SHPK: variants seen among roughly 807,000 people sequenced by gnomAD.
SHPK encodes the protein carbohydrate kinase-like protein.
A neutral mutation model predicts 46.3 loss-of-function variants in SHPK; 51 were observed. The observed-to-expected ratio is 1.10, with a 90% confidence interval of 0.88 to 1.39. The LOEUF (loss-of-function observed/expected upper bound fraction) is 1.39, where lower values mean the gene tolerates loss of function less well. Among genes scored for constraint, SHPK ranks in the 40% most tolerant of loss-of-function variants. The pLI is 0.00. For missense variants in SHPK, 668 were observed against 641.3 expected, an observed-to-expected ratio of 1.04 and a Z score of -0.45; for synonymous variants, 290 against 273.9, an observed-to-expected ratio of 1.06 and a Z score of -0.58.
chr17:3,635,539 A>T (rs2075514565), intron 1 of SHPK, among the ~76,000 whole-genome samples: 1 of 152,138 alleles, frequency 6.6e-6, no homozygotes, highest in African/African-American at 2.4e-5. Flanking sequence ...CCGGCTGACC[A>T]AAGGTTTCTT....
chr17:3,634,571 CAAAAA>C (rs11311796), intron 1 of SHPK, among the ~76,000 whole-genome samples: 4 of 89,766 alleles, frequency 4.5e-5, no homozygotes, highest in Admixed American at 1.2e-4. Context: ...GACCCTGTCT[CAAAAA>C]AAAAAAAAAA....
At position 3,610,760 on chromosome 17, in the gene SHPK, T is replaced by C. The variant is rs35091524; in HGVS notation, c.1237A>G (p.Met413Val). 8,759 of 1,614,056 alleles carry C rather than the reference T, an allele frequency of 5.4e-3. 40 individuals carry two copies. Among genetic ancestry groups the C allele is most frequent in the Non-Finnish European group, 6.6e-3 (7,756 of 1,179,964 alleles). ...CRGIVQNLHS[M>V]LPIQQLQEWG... Reference sequence around the variant, plus strand: ...TCCTGGAGCTGCTGAATCGGAAGCATGGAGTGCAGGTTCTGAACAATGCCT... The same window carrying C: ...TCCTGGAGCTGCTGAATCGGAAGCACGGAGTGCAGGTTCTGAACAATGCCT... Residue 413 changes from methionine (M) to valine (V), a missense_variant, in exon 7 of 7, where the codon ATG becomes GTG. Transcript: ENST00000225519.
At chr17:3,614,699 T>C (rs549294744) in intron 6 of SHPK, among the ~76,000 whole-genome samples, 1 of 150,130 alleles carries the variant, frequency 6.7e-6, no homozygotes, top group South Asian at 2.1e-4. Context: ...AAGACAAAAA[T>C]TTGCCAGGCG....
chr17:3,615,229 A>C, intron 6 of SHPK, 108 bp downstream of exon 6: 1 of 1,047,880 alleles, frequency 9.5e-7, no homozygotes, highest in Non-Finnish European at 1.4e-6. Context: ...AGGGTCTGAG[A>C]CCTCAATGTG....
chr17:3,621,615 CCCTCCCTT>C (rs1288985517), intron 4 of SHPK, among the ~76,000 whole-genome samples: 17 of 61,292 alleles, frequency 2.8e-4, no homozygotes, highest in African/African-American at 7.2e-4. Context: ...CTCCCTCCCT[CCCTCCCTT>C]CCTTCCTTCC....
chr17:3,623,659 G>C (rs2075416025), intron 3 of SHPK, among the ~76,000 whole-genome samples, 168 bp from the exon 4 acceptor site: 1 of 152,178 alleles, frequency 6.6e-6, no homozygotes, highest in African/African-American at 2.4e-5. Flanking sequence ...GGACCTCCCA[G>C]CTGCCCCAAG....
chr17:3,620,261 ACTT>A (rs1329475268), intron 5 of SHPK, among the ~76,000 whole-genome samples: 11 of 149,026 alleles, frequency 7.4e-5, no homozygotes, highest in South Asian at 2.1e-4. Context: ...AATATTCTAC[ACTT>A]CTTTTTTTTT....
Position 3,615,301 on chromosome 17 carries a change from G to C in SHPK, c.1024+36C>G, listed in dbSNP as rs757359189. On this transcript the variant is annotated intron_variant, in intron 6 of 6. Coordinates refer to ENST00000225519, the MANE Select transcript of SHPK (RefSeq NM_013276.4). ...GAGACCCTGCCGGGTAGAAAGGACA[G>C]GCAGAGAACACAGCGCTGTGTGGGC... 2.5e-6 allele frequency: 4 copies of C among 1,603,910 alleles called. No homozygotes were observed. The Admixed American group carries it at 5.0e-5, about 20-fold the overall frequency.
chr17:3,621,092 G>T (rs866819951), intron 5 of SHPK, 145 bp downstream of exon 5: 1 of 705,906 alleles, frequency 1.4e-6, no homozygotes, highest in South Asian at 2.3e-5. Context: ...CAAGGACAAG[G>T]GTGCTTTTCA....
intron 1 of SHPK, among the ~76,000 whole-genome samples, chr17:3,634,571 C>CAAAAA (rs11311796): frequency 2.5e-4 from 22 of 89,732 alleles, no homozygotes; most frequent in Admixed American, 3.7e-4. Context: ...GACCCTGTCT[C>CAAAAA]AAAAAAAAAA....
intron 1 of SHPK, among the ~76,000 whole-genome samples, chr17:3,631,511 G>GTTTTTT (rs2075471589): frequency 1.8e-4 from 7 of 38,270 alleles, no homozygotes; most frequent in Admixed American, 3.9e-4. Context: ...CTAATTTAAT[G>GTTTTTT]CTTTTTTTTT....
rs1405666020 is a variant in SHPK, at chr17:3,621,331, C to T, written c.729G>A (p.Met243Ile). Residue 243 changes from methionine (M) to isoleucine (I), a missense_variant, in exon 5 of 7, where the codon ATG (methionine) becomes ATA (isoleucine). Physicochemically the swap from Met to Ile is conservative, Grantham distance 10. Coordinates refer to ENST00000225519, the MANE Select transcript of SHPK (RefSeq NM_013276.4). ...GCGTCCCCTTTGGGATTTCAAACCA[C>T]ATGTGGGAAGTTCTGCCCGCCACAC... ...PGSVAGRTSHMWFEIPKGTQV... is the reference protein window; with the variant it reads ...PGSVAGRTSHIWFEIPKGTQV... The T allele has an allele frequency of 2.5e-6, 4 of 1,614,040 alleles. No homozygotes were observed. The highest frequency in any genetic ancestry group is 2.7e-5 in the African/African-American group (2 of 74,934).
At chr17:3,625,602 G>C (rs2075429681) in intron 2 of SHPK, among the ~76,000 whole-genome samples, 1 of 152,042 alleles carries the variant, frequency 6.6e-6, no homozygotes, top group South Asian at 2.1e-4. Flanking sequence ...TCCACCAGTT[G>C]AACACTAACA....
chr17:3,619,561 C>T (rs1401448211), intron 5 of SHPK: 20 of 451,352 alleles, frequency 4.4e-5, no homozygotes, highest in South Asian at 2.6e-4. Context: ...GGTGAAACCC[C>T]GTGTCTACTA....
chr17:3,621,973 C>G (rs924490501), intron 4 of SHPK, among the ~76,000 whole-genome samples: 1 of 147,876 alleles, frequency 6.8e-6, no homozygotes, highest in African/African-American at 2.5e-5. Context: ...TTTTTTGAGA[C>G]AGGGTCTAGC....
At chr17:3,619,840 T>C (rs2150869704) in intron 5 of SHPK, 1 of 391,188 alleles carries the variant, frequency 2.6e-6, no homozygotes, top group Middle Eastern at 3.8e-4. Flanking sequence ...TTGGTTCCTC[T>C]CCTCTGCTGT....
At chr17:3,613,993 T>C (rs1393173039) in intron 6 of SHPK, among the ~76,000 whole-genome samples, 1 of 152,218 alleles carries the variant, frequency 6.6e-6, no homozygotes, top group African/African-American at 2.4e-5. Flanking sequence ...AGGCCTGGCC[T>C]CTAGCAGAGT....
Position 3,610,722 on chromosome 17 carries a change from C to T in SHPK, c.1275G>A (p.Glu425=). The T allele has an allele frequency of 2.5e-6, 4 of 1,614,158 alleles. No homozygotes were observed. The highest frequency in any genetic ancestry group is 3.4e-6 in the Non-Finnish European group (4 of 1,180,030). Residue 425 remains glutamate, a synonymous_variant, in exon 7 of 7, where the codon GAG becomes GAA. Transcript: ENST00000225519. The stretch of plus-strand genomic sequence containing the variant: ...GCGCACTCCCACTGCCCATCACCCT[C>T]TCCACGCCCCACTCCTGGAGCTGCT... The part of the protein sequence containing the change: ...PIQQLQEWGV[E]RVMGSGSALS...
intron 1 of SHPK, 148 bp from the exon 2 acceptor site, chr17:3,630,494 A>C: frequency 1.2e-6 from 1 of 801,916 alleles, no homozygotes; most frequent in East Asian, 2.7e-5. Flanking sequence ...GGTGAGTTGC[A>C]GCAAACTGCC....
Sources: allele counts gnomAD v4.1 joint callset (sites outside exome capture counted in the v4.1 genomes callset), GRCh38; gene constraint gnomAD v4.1.1; transcripts MANE v1.5; gene names NCBI Gene and HGNC (gene_info 2026-07-23, HGNC 2026-07-21).